The following MINDY2 variants were observed in gnomAD, a reference collection of about 807,000 sequenced individuals.
The protein encoded by MINDY2 is ubiquitin carboxyl-terminal hydrolase MINDY-2.
MINDY2 carries 52 observed loss-of-function variants against 68.2 expected under a neutral mutation model. The ratio of observed to expected loss-of-function variants is 0.76; its 90% CI spans 0.61 to 0.96. MINDY2 has a LOEUF of 0.96. MINDY2 is among the 40% of genes least tolerant of loss of function. The pLI is 0.00. For synonymous variants in MINDY2, 372 were observed against 303.0 expected (o/e 1.23, Z -2.36); for missense variants, 881 against 773.4 (o/e 1.14, Z -1.65).
chr15:58,788,533 T>G (rs1427911399), intron 2 of MINDY2, among the ~76,000 whole-genome samples: 1 of 152,224 alleles, frequency 6.6e-6, no homozygotes, highest in African/African-American at 2.4e-5. Context: ...CTAAGCTTCT[T>G]ATTTCAAAAC....
chr15:58,845,671 T>C (rs10851640), intron 6 of MINDY2, among the ~76,000 whole-genome samples: 87,391 of 152,006 alleles, frequency 0.57, 26,812 homozygotes, highest in Middle Eastern at 0.74. Flanking sequence ...AGAGCTGTTA[T>C]ACAATCCGGC....
At chr15:58,822,330 A>C (rs2031116365) in intron 5 of MINDY2, among the ~76,000 whole-genome samples, 1 of 151,866 alleles carries the variant, frequency 6.6e-6, no homozygotes, top group South Asian at 2.1e-4. Context: ...TTTTTCATTT[A>C]ACTTGTAAAA....
At chr15:58,820,602 A>G (rs2030997421) in intron 4 of MINDY2, among the ~76,000 whole-genome samples, 1 of 152,216 alleles carries the variant, frequency 6.6e-6, no homozygotes, top group African/African-American at 2.4e-5. Context: ...TTTCATAAAC[A>G]AGGAAAATAA....
chr15:58,783,163 C>T (rs1042852187), intron 1 of MINDY2, among the ~76,000 whole-genome samples: 5 of 152,014 alleles, frequency 3.3e-5, no homozygotes, highest in Middle Eastern at 3.4e-3. Context: ...TCAGGTGATC[C>T]GCCCACCTCG....
intron 2 of MINDY2, among the ~76,000 whole-genome samples, chr15:58,791,313 T>C (rs1289353487): frequency 6.8e-6 from 1 of 147,024 alleles, no homozygotes; most frequent in Non-Finnish European, 1.5e-5. Flanking sequence ...TCTGTAATGA[T>C]AGAAATGTTC....
At chr15:58,798,953 C>T (rs1284729254) in intron 2 of MINDY2, among the ~76,000 whole-genome samples, 5 of 152,086 alleles carry the variant, frequency 3.3e-5, no homozygotes, top group African/African-American at 1.2e-4. Flanking sequence ...CCTGAGGAAG[C>T]AGAACATAGG....
chr15:58,854,057 A>G (rs2032962323), intron 8 of MINDY2, among the ~76,000 whole-genome samples: 1 of 152,006 alleles, frequency 6.6e-6, no homozygotes, highest in Non-Finnish European at 1.5e-5. Flanking sequence ...AGCCTGGCCA[A>G]CATAGTGAAA....
At chr15:58,806,606 T>C (rs1207260495) in intron 3 of MINDY2, among the ~76,000 whole-genome samples, 5 of 152,136 alleles carry the variant, frequency 3.3e-5, no homozygotes, top group Non-Finnish European at 7.3e-5. Flanking sequence ...TGGGGAATAA[T>C]TGTAGCAAAT....
intron 1 of MINDY2, among the ~76,000 whole-genome samples, chr15:58,776,311 T>C (rs1900767375): frequency 6.6e-6 from 1 of 151,984 alleles, no homozygotes; most frequent in African/African-American, 2.4e-5. Flanking sequence ...TGCCTCAGTC[T>C]CCCCATTCCC....
In MINDY2 at chr15:58,856,327, C is replaced by G. The variant is rs1431296088; in HGVS notation, c.*1717C>G. On this transcript the variant is annotated 3_prime_UTR_variant, in exon 9 of 9. Coordinates refer to ENST00000559228, the MANE Select transcript of MINDY2 (RefSeq NM_001040450.3). ...AAATGTGTGGTCTGGATTTTTTCAA[C>G]TATGTCATTAACTTTATGATCCAAG... The G allele has an allele frequency of 6.6e-6, 1 of 152,388 alleles. No homozygotes were observed. The highest frequency in any genetic ancestry group is 1.5e-5 in the Non-Finnish European group (1 of 67,992). The allele number at this position is 152,388 out of a possible 1,614,324, so 9.4% of individuals were successfully genotyped here. A position where few individuals can be genotyped will look rare whatever the true frequency, so the allele number is the denominator to read the frequency against.
chr15:58,844,297 C>T (rs1383299689), intron 6 of MINDY2, among the ~76,000 whole-genome samples: 1 of 152,102 alleles, frequency 6.6e-6, no homozygotes, highest in African/African-American at 2.4e-5. Context: ...CCTGTAATCC[C>T]AGCACTTTGG....
chr15:58,833,753 A>G lies in MINDY2; in HGVS notation c.1368+1837A>G, dbSNP rs114351544. Among the ~76,000 whole-genome samples, 702 of 152,136 alleles carry G rather than the reference A, an allele frequency of 4.6e-3. 10 individuals carry two copies. The highest frequency in any genetic ancestry group is 0.016 in the African/African-American group (684 of 41,512). On this transcript the variant is annotated intron_variant, in intron 6 of 8. Coordinates refer to ENST00000559228, the MANE Select transcript of MINDY2 (RefSeq NM_001040450.3). ...CCCTGTCTCAGTAGATGGAGTATAC[A>G]ATCGGGCTTTACACCAAGACATTCC...
chr15:58,791,876 A>G (rs1428776212), intron 2 of MINDY2, among the ~76,000 whole-genome samples: 2 of 151,916 alleles, frequency 1.3e-5, no homozygotes, highest in African/African-American at 4.8e-5. Context: ...AGGTCAGTAG[A>G]CCGAGTCTGG....
chr15:58,859,939 T>C lies in MINDY2; in HGVS notation c.*5329T>C, dbSNP rs575717818. Reference sequence around the variant, plus strand: ...TCCTATTGTCCTGAGAAAGGAGATTTAGACTTGTCTGCCTAACACAGGTAT... The same window carrying C: ...TCCTATTGTCCTGAGAAAGGAGATTCAGACTTGTCTGCCTAACACAGGTAT... On this transcript the variant is annotated 3_prime_UTR_variant, in exon 9 of 9. Coordinates refer to ENST00000559228, the MANE Select transcript of MINDY2 (RefSeq NM_001040450.3). 20 of 152,346 alleles carry C rather than the reference T, an allele frequency of 1.3e-4. No individual in the cohort carries two copies. Among genetic ancestry groups the C allele is most frequent in the African/African-American group, 4.8e-4 (20 of 41,586 alleles). The allele number at this position is 152,346 out of a possible 1,614,324, so 9.4% of individuals were successfully genotyped here.
At chr15:58,795,387 T>C (rs1419892794) in intron 2 of MINDY2, among the ~76,000 whole-genome samples, 1 of 151,984 alleles carries the variant, frequency 6.6e-6, no homozygotes, top group Admixed American at 6.6e-5. Flanking sequence ...ATACTGTAGA[T>C]ATATAGTATG....
chr15:58,784,289 G>A (rs1339109408), intron 1 of MINDY2, among the ~76,000 whole-genome samples: 2 of 152,108 alleles, frequency 1.3e-5, no homozygotes, highest in East Asian at 3.9e-4. Context: ...TCCTGCCACT[G>A]CGATCCAGCC....
chr15:58,836,313 C>A (rs949537992), intron 6 of MINDY2, among the ~76,000 whole-genome samples: 1 of 151,626 alleles, frequency 6.6e-6, no homozygotes, highest in East Asian at 1.9e-4. Flanking sequence ...CTATCATTCT[C>A]AGTATCTAAT....
intron 6 of MINDY2, among the ~76,000 whole-genome samples, chr15:58,839,322 T>TTTTGTTTGTTTG (rs57863736): frequency 0.23 from 33,961 of 148,596 alleles, 4,592 homozygotes; most frequent in East Asian, 0.51. Context: ...TAGACTGTTT[T>TTTTGTTTGTTTG]TTTGTTTGTT....
intron 2 of MINDY2, among the ~76,000 whole-genome samples, chr15:58,791,883 C>G (rs1901967177): frequency 6.6e-6 from 1 of 151,878 alleles, no homozygotes; most frequent in African/African-American, 2.4e-5. Flanking sequence ...TAGACCGAGT[C>G]TGGGATATGC....
Sources: allele counts gnomAD v4.1 joint callset (sites outside exome capture counted in the v4.1 genomes callset), GRCh38; gene constraint gnomAD v4.1.1; transcripts MANE v1.5; gene names NCBI Gene and HGNC (gene_info 2026-07-23, HGNC 2026-07-21).